Variants in SRGAP1 observed in about 807,000 individuals in gnomAD.
SRGAP1 encodes the protein SLIT-ROBO Rho GTPase activating protein 1.
Under a neutral mutation model 121.9 loss-of-function variants are expected in SRGAP1, and 43 were observed. That is an observed-to-expected ratio of 0.35 (90% CI 0.28 to 0.46). The LOEUF (loss-of-function observed/expected upper bound fraction) is 0.46, where lower values mean the gene tolerates loss of function less well. Among genes scored for constraint, SRGAP1 ranks in the 20% least tolerant of loss-of-function variants. The pLI, the probability that SRGAP1 is intolerant of heterozygous loss-of-function variation, is 1.00. For missense variants in SRGAP1, 1,102 were observed against 1,350.9 expected (o/e 0.82, Z 2.89); for synonymous variants, 447 against 485.4 (o/e 0.92, Z 1.04).
At chr12:63,891,983 C>CAAAAAAAAAAAAAAAAAAAAAAAAAAAA (rs10716009) in intron 1 of SRGAP1, among the ~76,000 whole-genome samples, 1 of 96,346 alleles carries the variant, frequency 1.0e-5, no homozygotes, top group Non-Finnish European at 2.1e-5. Context: ...AAGACTGTCT[C>CAAAAAAAAAAAAAAAAAAAAAAAAAAAA]AAAAAAAAAA....
intron 8 of SRGAP1, among the ~76,000 whole-genome samples, chr12:64,069,601 T>C (rs1327387347): frequency 6.6e-6 from 1 of 152,176 alleles, no homozygotes; most frequent in Admixed American, 6.5e-5. Context: ...CCATTTATTG[T>C]TTTATTTTGA....
At position 63,900,204 on chromosome 12, in the gene SRGAP1, C is replaced by CTTTTTTTTT. The variant is rs67622101; in HGVS notation, c.67+55332_67+55340dup. On this transcript the variant is annotated intron_variant, in intron 1 of 21. Coordinates refer to ENST00000355086, the MANE Select transcript of SRGAP1 (RefSeq NM_020762.4). ...CTTTTTTCTTTTTCTTTTTCTTTTT[C>CTTTTTTTTT]TTTTTTTTTTTTTTTTTTTGAGGTG... is the stretch of plus-strand genomic sequence containing the variant. Among the ~76,000 whole-genome samples the CTTTTTTTTT allele has an allele frequency of 1.8e-4, 16 of 87,574 alleles. 1 individual carries two copies. Among genetic ancestry groups the CTTTTTTTTT allele is most frequent in the East Asian group, 8.5e-4 (2 of 2,360 alleles). The allele number at this position is 87,574 out of a possible 152,430, so 57.5% of individuals were successfully genotyped here.
intron 1 of SRGAP1, among the ~76,000 whole-genome samples, chr12:63,901,865 G>A (rs1391995568): frequency 1.3e-5 from 2 of 152,198 alleles, no homozygotes; most frequent in African/African-American, 2.4e-5. Flanking sequence ...AGCCCTGTAG[G>A]TTGTCGAGTT....
chr12:64,045,298 T>G (rs2035107575), intron 6 of SRGAP1, among the ~76,000 whole-genome samples: 2 of 152,168 alleles, frequency 1.3e-5, no homozygotes, highest in South Asian at 4.1e-4. Flanking sequence ...ATAAAGAATT[T>G]TATAACCCCA....
At chr12:63,955,959 G>A (rs190744919) in intron 1 of SRGAP1, among the ~76,000 whole-genome samples, 4 of 152,254 alleles carry the variant, frequency 2.6e-5, no homozygotes, top group Admixed American at 6.5e-5. Context: ...GGCTCCGTCC[G>A]AAAGTGAACA....
At chr12:63,901,534 G>C (rs1254585389) in intron 1 of SRGAP1, among the ~76,000 whole-genome samples, 1 of 152,148 alleles carries the variant, frequency 6.6e-6, no homozygotes, top group Non-Finnish European at 1.5e-5. Context: ...CTTTCTGGTT[G>C]TTCCTGCTCA....
intron 1 of SRGAP1, among the ~76,000 whole-genome samples, chr12:63,892,430 G>T (rs1031733378): frequency 1.3e-5 from 2 of 152,172 alleles, no homozygotes; most frequent in Non-Finnish European, 2.9e-5. Flanking sequence ...TCTATGTAAT[G>T]ATATTGTTGA....
chr12:64,086,472 A>G (rs2035941079), intron 10 of SRGAP1, among the ~76,000 whole-genome samples: 1 of 152,286 alleles, frequency 6.6e-6, no homozygotes, highest in South Asian at 2.1e-4. Flanking sequence ...GTACTTTAAT[A>G]TTCGCAAATG....
intron 1 of SRGAP1, among the ~76,000 whole-genome samples, chr12:63,856,853 G>A (rs962468283): frequency 3.3e-5 from 5 of 152,150 alleles, no homozygotes; most frequent in African/African-American, 9.7e-5. Flanking sequence ...TTGGAATTGC[G>A]TGAAATTATA....
intron 21 of SRGAP1, among the ~76,000 whole-genome samples, chr12:64,137,829 G>A (rs548130396): frequency 7.2e-5 from 11 of 151,752 alleles, no homozygotes; most frequent in Admixed American, 6.6e-4. Context: ...TGCCATGAGG[G>A]GTATGCTCCA....
At chr12:63,951,053 G>A (rs1238313457) in intron 1 of SRGAP1, among the ~76,000 whole-genome samples, 16 of 145,090 alleles carry the variant, frequency 1.1e-4, no homozygotes, top group Admixed American at 9.1e-4. Flanking sequence ...GGATTCATTC[G>A]TATCCTTACT....
chr12:64,063,551 A>G (rs956639954), intron 7 of SRGAP1, among the ~76,000 whole-genome samples: 2 of 152,202 alleles, frequency 1.3e-5, no homozygotes, highest in Admixed American at 6.5e-5. Flanking sequence ...AAAAAGTACA[A>G]AACTTTTTTT....
At chr12:64,114,470 C>T (rs2036486619) in intron 17 of SRGAP1, among the ~76,000 whole-genome samples, 1 of 151,790 alleles carries the variant, frequency 6.6e-6, no homozygotes, top group Non-Finnish European at 1.5e-5. Flanking sequence ...CCTGCCTCAG[C>T]CTCCCAAGTA....
chr12:63,981,888 G>A (rs2033262626), intron 1 of SRGAP1, among the ~76,000 whole-genome samples: 1 of 152,060 alleles, frequency 6.6e-6, no homozygotes, highest in South Asian at 2.1e-4. Context: ...CACAGTATAG[G>A]TGCCTGAAAA....
At chr12:64,038,148 G>A (rs897686757) in intron 4 of SRGAP1, among the ~76,000 whole-genome samples, 4 of 152,082 alleles carry the variant, frequency 2.6e-5, no homozygotes, top group Non-Finnish European at 5.9e-5. Context: ...AAGAATAAAG[G>A]TACTTATTTC....
At chr12:64,068,879 G>A (rs1055534490) in intron 8 of SRGAP1, among the ~76,000 whole-genome samples, 4 of 151,390 alleles carry the variant, frequency 2.6e-5, no homozygotes, top group Admixed American at 6.6e-5. Context: ...GCATGATGGC[G>A]CATGCCTGTA....
At position 64,094,885 on chromosome 12, in the gene SRGAP1, T is replaced by G. The variant is rs77960479; in HGVS notation, c.1540-47T>G. The G allele has an allele frequency of 2.6e-3, 4,013 of 1,559,864 alleles. 84 individuals carry two copies. The African/African-American group carries it at 0.047, about 18-fold the overall frequency. ...CTCTAAGCCTTATTATTATGAGGCATTTATACCTCTCCCTTGAGGTTAACT... is the reference window on the plus strand; with the variant it reads ...CTCTAAGCCTTATTATTATGAGGCAGTTATACCTCTCCCTTGAGGTTAACT... On this transcript the variant is annotated intron_variant, in intron 12 of 21. Coordinates refer to ENST00000355086, the MANE Select transcript of SRGAP1 (RefSeq NM_020762.4).
intron 1 of SRGAP1, among the ~76,000 whole-genome samples, chr12:63,955,984 T>C (rs1200264113): frequency 6.6e-6 from 1 of 152,192 alleles, no homozygotes; most frequent in African/African-American, 2.4e-5. Context: ...CTTCAGTTTG[T>C]TATGACTGAG....
rs144134605 is a variant in SRGAP1, at chr12:64,076,647, A to G, written c.1126-2272A>G. 3.3e-5 allele frequency among the ~76,000 whole-genome samples: 5 copies of G among 152,210 alleles called. No individual in the cohort carries two copies. The East Asian group carries it at 7.7e-4, about 24-fold the overall frequency. ...ATACTAATTGAACTCCCAGAAAGAA[A>G]AAAAAATTTTTTTTTTTGAGACAGA... On this transcript the variant is annotated intron_variant, in intron 8 of 21. Coordinates refer to ENST00000355086, the MANE Select transcript of SRGAP1 (RefSeq NM_020762.4).
Sources: gnomAD v4.1 joint callset for allele counts (sites outside exome capture counted in the v4.1 genomes callset) on GRCh38, gnomAD v4.1.1 for gene constraint, MANE v1.5 for transcripts, NCBI Gene and HGNC (gene_info 2026-07-23, HGNC 2026-07-21) for gene names.